TRPC3: variants seen among roughly 807,000 people sequenced by gnomAD.
TRPC3 encodes the protein transient receptor potential cation channel subfamily C member 3.
Under a neutral mutation model 90.9 loss-of-function variants are expected in TRPC3, and 54 were observed. The ratio of observed to expected loss-of-function variants is 0.59; its 90% confidence interval spans 0.48 to 0.75. The LOEUF is 0.75. Among genes scored for constraint, TRPC3 ranks in the 30% least tolerant of loss-of-function variants. The pLI, the probability that TRPC3 is intolerant of heterozygous loss-of-function variation, is 0.00. For synonymous variants in TRPC3, 424 were observed against 450.9 expected (o/e 0.94, Z 0.75); for missense variants, 918 against 1,194.5 (o/e 0.77, Z 3.41).
Position 121,907,502 on chromosome 4 carries a change from C to A in TRPC3, c.1858G>T (p.Val620Leu). 1 of 1,613,214 alleles carries A rather than the reference C, an allele frequency of 6.2e-7. No homozygotes were observed. Among genetic ancestry groups the A allele is most frequent in the South Asian group, 1.1e-5 (1 of 91,028 alleles). Residue 620 changes from valine to leucine, a missense_variant, in exon 7 of 12, where the codon GTG (valine) becomes TTG (leucine). Val to Leu is a conservative substitution (Grantham distance 32, BLOSUM62 1). Coordinates refer to ENST00000379645, the MANE Select transcript of TRPC3 (RefSeq NM_001130698.2). ...ISEGLYAIAV[V>L]LSFSRIAYIL... is the part of the protein sequence containing the mutation. ...TACGCAATCCGAGAGAAGCTGAGCA[C>A]AACAGCTATGGCATAAAGGCCTTCA...
chr4:121,911,970 T>C lies in TRPC3; in HGVS notation c.1465A>G (p.Asn489Asp), dbSNP rs769010763. Residue 489 changes from asparagine to aspartate, a missense_variant, in exon 5 of 12, where the codon AAT becomes GAT. Physicochemically the swap from Asn to Asp is conservative, Grantham distance 23. Coordinates refer to ENST00000379645, the MANE Select transcript of TRPC3 (RefSeq NM_001130698.2). ...DRFEGITTLP[N>D]ITVTDYPKQI... ...TTGGGATAGTCAGTAACTGTGATAT[T>C]GGGCAGCGTGGTGATGCCTTCGAAC... The C allele has an allele frequency of 6.2e-7, 1 of 1,613,836 alleles. No individual in the cohort carries two copies. Among genetic ancestry groups the C allele is most frequent in the Non-Finnish European group, 8.5e-7 (1 of 1,179,878 alleles).
chr4:121,950,353 C>G lies in TRPC3; in HGVS notation c.215+1113G>C, dbSNP rs182750394. On this transcript the variant is annotated intron_variant, in intron 1 of 11. Transcript: ENST00000379645. The stretch of plus-strand genomic sequence containing the variant: ...CGGGCGGTGGGCCTCTCGCCGGCAG[C>G]AGGGGGCGCTGCAGAACCTCGGTCC... 9.2e-3 allele frequency among the ~76,000 whole-genome samples: 1,407 copies of G among 152,330 alleles called. 17 individuals carry two copies. The highest frequency in any genetic ancestry group is 0.016 in the Non-Finnish European group (1,087 of 68,022).
At chr4:121,899,717 C>G in intron 9 of TRPC3, 22 bp from the exon 10 acceptor site, 1 of 1,526,820 alleles carries the variant, frequency 6.5e-7, no homozygotes, top group African/African-American at 1.4e-5. Context: ...TACAATTAAC[C>G]TAGTAAATTA....
Position 121,932,340 on chromosome 4 carries a change from G to A in TRPC3, c.918C>T (p.Asp306=). ...SPAYLSLSSE[D]PVLTALELSN... Reference sequence around the variant, plus strand: ...TGAGCTCTAGGGCCGTAAGCACCGGGTCCTCGCTGGACAATGAGAGGTAAG... The same window carrying A: ...TGAGCTCTAGGGCCGTAAGCACCGGATCCTCGCTGGACAATGAGAGGTAAG... Residue 306 remains aspartate, a synonymous_variant, in exon 2 of 12, where the codon GAC becomes GAT. Coordinates refer to ENST00000379645, the MANE Select transcript of TRPC3 (RefSeq NM_001130698.2). This position sits in a 1 kb window ranked among gnomAD's most constrained non-coding sequence, Gnocchi z 7.7. The A allele has an allele frequency of 6.2e-7, 1 of 1,614,176 alleles. No homozygotes were observed. The highest frequency in any genetic ancestry group is 8.5e-7 in the Non-Finnish European group (1 of 1,180,030).
intron 3 of TRPC3, among the ~76,000 whole-genome samples, chr4:121,919,049 C>A (rs539271022): frequency 7.2e-4 from 110 of 152,210 alleles, no homozygotes; most frequent in African/African-American, 2.4e-3. Context: ...AAAATAATAC[C>A]CTTATTTTGA....
At chr4:121,933,360 G>A (rs981282579) in intron 1 of TRPC3, 2 of 236,386 alleles carry the variant, frequency 8.5e-6, no homozygotes, top group Non-Finnish European at 1.6e-5. Flanking sequence ...AGTAAAGATG[G>A]AACTCATCGT....
In TRPC3 at chr4:121,951,561, C is replaced by A. The variant is rs1189201261; in HGVS notation, c.120G>T (p.Trp40Cys). 6.9e-7 allele frequency: 1 copy of A among 1,445,792 alleles called. No individual in the cohort carries two copies. The highest frequency in any genetic ancestry group is 1.4e-5 in the South Asian group (1 of 70,174). 89.6% of individuals were successfully genotyped at this position (1,445,792 alleles called of 1,614,324 possible). ...GCTCCAGCCCCCCGTTGACGCCCCT[C>A]CAGCCCCGGCGGCGGCGCTGCGGCT... is the stretch of plus-strand genomic sequence containing the variant. ...GAEPQRRRRG[W>C]RGVNGGLEPR... Residue 40 changes from tryptophan (W) to cysteine (C), a missense_variant, in exon 1 of 12, where the codon TGG becomes TGT. Physicochemically the swap from Trp to Cys is radical, Grantham distance 215 (BLOSUM62 -2). This residue lies in a region of TRPC3 where 609 missense variants were observed against 725.9 expected (regional missense o/e 0.84). Transcript: ENST00000379645. The surrounding 1 kb of genome is among the most constrained non-coding windows in gnomAD (Gnocchi z 4.4).
chr4:121,924,857 C>T (rs901417213), intron 3 of TRPC3, among the ~76,000 whole-genome samples, 161 bp downstream of exon 3: 1 of 152,182 alleles, frequency 6.6e-6, no homozygotes, highest in African/African-American at 2.4e-5. Context: ...GCCATCATGC[C>T]CAGCTAATTT....
In TRPC3 at chr4:121,910,333, A is replaced by C. The variant is rs756813075; in HGVS notation, c.1613T>G (p.Ile538Ser). 1.7e-5 allele frequency: 28 copies of C among 1,613,810 alleles called. No individual in the cohort carries two copies. In the East Asian group the frequency reaches 6.2e-4, roughly 36 times the overall value. ...GTCAAGCACATTCCACAACTGCAAA[A>C]TGTATTCCCTAGGTCCTTCCAGCCA... ...ELWLEGPREY[I>S]LQLWNVLDFG... is the part of the protein sequence containing the mutation. Residue 538 changes from isoleucine (I) to serine (S), a missense_variant, in exon 6 of 12, where the codon ATT (isoleucine) becomes AGT (serine). Physicochemically the swap from Ile to Ser is moderately radical, Grantham distance 142. Around this residue, in one of 4 missense-constraint regions of TRPC3, gnomAD observed 147 missense variants for 263.5 expected, o/e 0.56. Coordinates refer to ENST00000379645, the MANE Select transcript of TRPC3 (RefSeq NM_001130698.2).
At chr4:121,908,753 A>T (rs553887796) in intron 6 of TRPC3, among the ~76,000 whole-genome samples, 2 of 152,150 alleles carry the variant, frequency 1.3e-5, no homozygotes, top group Non-Finnish European at 2.9e-5. Flanking sequence ...GTTGAAAAAC[A>T]TCTATTGGGT....
At chr4:121,948,476 C>T (rs1056758907) in intron 1 of TRPC3, among the ~76,000 whole-genome samples, 1 of 151,992 alleles carries the variant, frequency 6.6e-6, no homozygotes, top group African/African-American at 2.4e-5. Flanking sequence ...TGTCTCTTCA[C>T]TTTCTATTAA....
chr4:121,910,498 C>T, intron 5 of TRPC3, 111 bp from the exon 6 acceptor site: 1 of 796,524 alleles, frequency 1.3e-6, no homozygotes, highest in Non-Finnish European at 2.1e-6. Context: ...AAGCACAGTA[C>T]TAGGCATCAC....
chr4:121,926,107 G>A (rs962942072), intron 2 of TRPC3, among the ~76,000 whole-genome samples: 1 of 152,162 alleles, frequency 6.6e-6, no homozygotes, highest in Non-Finnish European at 1.5e-5. Context: ...AGAAGGCCAC[G>A]AAGGGAGGGT....
At chr4:121,891,773 A>G (rs1477784644) in intron 10 of TRPC3, among the ~76,000 whole-genome samples, 2 of 152,112 alleles carry the variant, frequency 1.3e-5, no homozygotes, top group African/African-American at 4.8e-5. Context: ...CCACATATTT[A>G]CCTTCCAACA....
At chr4:121,891,473 G>A (rs1218239020) in intron 10 of TRPC3, among the ~76,000 whole-genome samples, 1 of 152,180 alleles carries the variant, frequency 6.6e-6, no homozygotes, top group Non-Finnish European at 1.5e-5. Flanking sequence ...TCCTGACAAG[G>A]TAGTGAAGTG....
At chr4:121,906,023 T>C (rs541686509) in intron 7 of TRPC3, among the ~76,000 whole-genome samples, 6 of 152,194 alleles carry the variant, frequency 3.9e-5, no homozygotes, top group African/African-American at 1.2e-4. Context: ...CGAATCTATA[T>C]GGAGTGCATG....
At chr4:121,896,511 C>T (rs1728520337) in intron 10 of TRPC3, among the ~76,000 whole-genome samples, 1 of 152,008 alleles carries the variant, frequency 6.6e-6, no homozygotes, top group Non-Finnish European at 1.5e-5. Context: ...CATTTCTATA[C>T]ACGAACAACA....
At chr4:121,923,953 A>T (rs1729614830) in intron 3 of TRPC3, among the ~76,000 whole-genome samples, 1 of 152,104 alleles carries the variant, frequency 6.6e-6, no homozygotes, top group South Asian at 2.1e-4. Flanking sequence ...ATTCTGGATA[A>T]CTGAGATATT....
intron 1 of TRPC3, among the ~76,000 whole-genome samples, chr4:121,946,022 A>C (rs1204259407): frequency 6.6e-6 from 1 of 152,170 alleles, no homozygotes. Context: ...AGAGACAAGG[A>C]AATAGAAAAA....
Sources: gnomAD v4.1 joint callset for allele counts (sites outside exome capture counted in the v4.1 genomes callset) on GRCh38, gnomAD v4.1.1 for gene constraint, gnomAD v4.1.1 regional missense constraint, Gnocchi (gnomAD v3.1) non-coding constraint, MANE v1.5 for transcripts, NCBI Gene and HGNC (gene_info 2026-07-23, HGNC 2026-07-21) for gene names.